KCNU1: variants seen among roughly 807,000 people sequenced by gnomAD.
The protein encoded by KCNU1 is potassium calcium-activated channel subfamily U member 1, also known as potassium channel subfamily U member 1.
Under a neutral mutation model 126.8 loss-of-function variants are expected in KCNU1, and 93 were observed. The ratio of observed to expected loss-of-function variants is 0.73; its 90% CI spans 0.62 to 0.87. KCNU1 has a LOEUF of 0.87. Ranked by LOEUF, KCNU1 falls within the 40% of genes least tolerant of loss-of-function variation. The probability of loss-of-function intolerance (pLI) is 0.00; values close to 1 mark genes in which losing one functional copy is unlikely to be tolerated. For missense variants in KCNU1, 1,330 were observed against 1,367.1 expected, an observed-to-expected ratio of 0.97 and a Z score of 0.43; for synonymous variants, 523 against 494.2, an observed-to-expected ratio of 1.06 and a Z score of -0.77.
In KCNU1 at chr8:36,864,399, T is replaced by C. The variant is rs762712559; in HGVS notation, c.1892-5T>C. ...CAACTCACTGAGATTTCTATCCTAT[T>C]GCAGTGCCATCGGTAAAGAGAATGA... is the stretch of plus-strand genomic sequence containing the variant. On this transcript the variant is annotated splice_region_variant and splice_polypyrimidine_tract_variant and intron_variant, in intron 18 of 26. Transcript: ENST00000399881. The C allele has an allele frequency of 6.5e-5, 99 of 1,513,802 alleles. No individual in the cohort carries two copies. Among genetic ancestry groups the C allele is most frequent in the Middle Eastern group, 1.7e-4 (1 of 5,900 alleles). 93.8% of individuals were successfully genotyped at this position (1,513,802 alleles called of 1,614,324 possible).
At chr8:36,865,280 A>G (rs1253376640) in intron 19 of KCNU1, among the ~76,000 whole-genome samples, 1 of 152,142 alleles carries the variant, frequency 6.6e-6, no homozygotes, top group African/African-American at 2.4e-5. Context: ...TGCAGCCAGT[A>G]TGGAAAACAA....
chr8:36,813,671 T>TAAAA (rs67738751), intron 7 of KCNU1, among the ~76,000 whole-genome samples: 12 of 150,002 alleles, frequency 8.0e-5, no homozygotes, highest in African/African-American at 2.7e-4. Flanking sequence ...AAGGTTTTTT[T>TAAAA]AAAAAAAAAA....
At chr8:36,894,917 ATTAATTTATCATGAGTTATTGAACC>A (rs1381906029) in intron 19 of KCNU1, among the ~76,000 whole-genome samples, 1 of 152,082 alleles carries the variant, frequency 6.6e-6, no homozygotes, top group Non-Finnish European at 1.5e-5. Flanking sequence ...TGAATAATAT[ATTAATTTATCATGAGTTATTGAACC>A]AGAAGTGTCA....
intron 24 of KCNU1, chr8:36,923,162 C>A: frequency 2.3e-6 from 1 of 435,190 alleles, no homozygotes; most frequent in South Asian, 1.6e-5. Flanking sequence ...CCTGGCAGAC[C>A]TTTTCCATCC....
At chr8:36,833,707 A>G in intron 11 of KCNU1, 48 bp downstream of exon 11, 1 of 1,054,004 alleles carries the variant, frequency 9.5e-7, no homozygotes, top group Non-Finnish European at 1.5e-6. Flanking sequence ...TAGTTGCAAC[A>G]ATTAAAATAA....
intron 7 of KCNU1, among the ~76,000 whole-genome samples, chr8:36,812,498 A>G (rs2130451406): frequency 6.6e-6 from 1 of 152,314 alleles, no homozygotes; most frequent in South Asian, 2.1e-4. Context: ...TAAAAGTAAT[A>G]TAGCTAATAT....
chr8:36,819,943 C>T (rs1804060740), intron 10 of KCNU1, among the ~76,000 whole-genome samples: 1 of 152,156 alleles, frequency 6.6e-6, no homozygotes, highest in South Asian at 2.1e-4. Context: ...TTTGCTACTT[C>T]AGGCCTAGCG....
chr8:36,888,400 C>T, intron 19 of KCNU1: 1 of 370,992 alleles, frequency 2.7e-6, no homozygotes, highest in Non-Finnish European at 5.4e-6. Flanking sequence ...TCCCCCACAA[C>T]ACCACTCTGG....
intron 2 of KCNU1, among the ~76,000 whole-genome samples, chr8:36,798,346 A>G (rs1412512251): frequency 1.3e-5 from 2 of 152,226 alleles, no homozygotes; most frequent in Admixed American, 1.3e-4. Context: ...ATGGCATAAC[A>G]TTATGCCAGA....
intron 13 of KCNU1, 49 bp downstream of exon 13, chr8:36,836,414 C>A: frequency 7.9e-7 from 1 of 1,258,520 alleles, no homozygotes; most frequent in Non-Finnish European, 1.1e-6. Flanking sequence ...ATCTATATAG[C>A]TAGACGAACT....
rs759507484 is a variant in KCNU1, at chr8:36,928,994, T to C, written c.2737-1957T>C. The C allele has an allele frequency of 1.4e-4, 98 of 699,666 alleles. No individual in the cohort carries two copies. In the Middle Eastern group the frequency reaches 2.1e-3, roughly 15 times the overall value. The allele number at this position is 699,666 out of a possible 1,614,324, so 43.3% of individuals were successfully genotyped here. A position where few individuals can be genotyped will look rare whatever the true frequency, so the allele number is the denominator to read the frequency against. The stretch of plus-strand genomic sequence containing the variant: ...AAGCAATGATAAAGAAAACAGAATT[T>C]AGCAATGTGTGCAGTATATTTTACT... On this transcript the variant is annotated intron_variant, in intron 24 of 26. Coordinates refer to ENST00000399881, the MANE Select transcript of KCNU1 (RefSeq NM_001031836.3).
At chr8:36,923,331 A>G (rs1453473751) in intron 24 of KCNU1, among the ~76,000 whole-genome samples, 8 of 152,206 alleles carry the variant, frequency 5.3e-5, no homozygotes, top group Admixed American at 3.3e-4. Flanking sequence ...TGACATGTGC[A>G]TGATAAATAA....
chr8:36,844,284 G>C (rs1805061846), intron 16 of KCNU1, among the ~76,000 whole-genome samples: 1 of 151,958 alleles, frequency 6.6e-6, no homozygotes, highest in African/African-American at 2.4e-5. Flanking sequence ...GGAGGCTGAG[G>C]CAGGAGAATC....
At chr8:36,886,095 G>A (rs572042541) in intron 19 of KCNU1, among the ~76,000 whole-genome samples, 1 of 152,130 alleles carries the variant, frequency 6.6e-6, no homozygotes, top group Non-Finnish European at 1.5e-5. Flanking sequence ...TCACAAAAGT[G>A]AATTATAGTT....
intron 19 of KCNU1, among the ~76,000 whole-genome samples, chr8:36,883,680 A>G (rs1334509205): frequency 1.3e-5 from 2 of 152,048 alleles, no homozygotes; most frequent in African/African-American, 4.8e-5. Flanking sequence ...AGTCCCAGCT[A>G]CTTGGGAGGC....
chr8:36,836,895 C>T lies in KCNU1; in HGVS notation c.1468C>T (p.Pro490Ser), dbSNP rs1563286118. 3 of 1,613,710 alleles carry T rather than the reference C, an allele frequency of 1.9e-6. No homozygotes were observed. The highest frequency in any genetic ancestry group is 2.5e-6 in the Non-Finnish European group (3 of 1,179,724). ...LGFIAQGCLV[P>S]GLCTFLTSLF... The stretch of plus-strand genomic sequence containing the variant: ...ATTTATCGCCCAAGGCTGTTTGGTG[C>T]CAGGCTTGTGTACCTTCCTAACATC... The change falls in exon 14 of 27, where the codon CCA (proline) becomes TCA (serine). Residue 490 changes from proline (P) to serine (S), a missense_variant. Physicochemically the swap from Pro to Ser is moderately conservative, Grantham distance 74. This residue lies in a region of KCNU1 where 1,054 missense variants were observed against 1,053.9 expected (regional missense o/e 1.00). Coordinates refer to ENST00000399881, the MANE Select transcript of KCNU1 (RefSeq NM_001031836.3).
At chr8:36,897,056 T>G (rs372531481) in intron 19 of KCNU1, among the ~76,000 whole-genome samples, 1 of 152,040 alleles carries the variant, frequency 6.6e-6, no homozygotes, top group East Asian at 1.9e-4. Flanking sequence ...GGTGATTTTG[T>G]TCTTGCTATG....
intron 18 of KCNU1, among the ~76,000 whole-genome samples, chr8:36,860,818 CA>C (rs1366361881): frequency 6.7e-6 from 1 of 150,252 alleles, no homozygotes; most frequent in Non-Finnish European, 1.5e-5. Context: ...CAGTTAGGGA[CA>C]GGAAAAAAAA....
intron 18 of KCNU1, among the ~76,000 whole-genome samples, chr8:36,856,074 G>GTTAATGTACT (rs1387560065): frequency 2.0e-4 from 31 of 152,232 alleles, no homozygotes; most frequent in African/African-American, 7.5e-4. Context: ...ATTAACATCA[G>GTTAATGTACT]TTAATGTACT....
Sources: allele counts gnomAD v4.1 joint callset (sites outside exome capture counted in the v4.1 genomes callset), GRCh38; gene constraint gnomAD v4.1.1; regional missense constraint gnomAD v4.1.1; transcripts MANE v1.5; gene names NCBI Gene and HGNC (gene_info 2026-07-23, HGNC 2026-07-21).